The following KCNMB2 variants were observed in gnomAD, a reference collection of about 807,000 sequenced individuals.
KCNMB2 encodes the protein potassium calcium-activated channel subfamily M regulatory beta subunit 2.
In KCNMB2, 9 loss-of-function variants were observed where a neutral mutation model predicts 24.5. The ratio of observed to expected loss-of-function variants is 0.37; its 90% confidence interval spans 0.22 to 0.64. The LOEUF (loss-of-function observed/expected upper bound fraction) is 0.64, where lower values mean the gene tolerates loss of function less well. Among genes scored for constraint, KCNMB2 ranks in the 30% least tolerant of loss-of-function variants. The pLI, the probability that KCNMB2 is intolerant of heterozygous loss-of-function variation, is 0.63. For missense variants in KCNMB2, 226 were observed against 284.3 expected (o/e 0.79, Z 1.47); for synonymous variants, 109 against 104.4 (o/e 1.04, Z -0.27).
chr3:178,574,975 G>A (rs1716939274), intron 1 of KCNMB2, among the ~76,000 whole-genome samples: 1 of 152,096 alleles, frequency 6.6e-6, no homozygotes, highest in Non-Finnish European at 1.5e-5. Context: ...GGCTAAGGCA[G>A]GAGAATCACT....
chr3:178,828,453 C>G, intron 4 of KCNMB2, 80 bp downstream of exon 4: 1 of 1,079,858 alleles, frequency 9.3e-7, no homozygotes, highest in Admixed American at 2.6e-5. Context: ...TCCCCTTTGC[C>G]AGCATTTCAA....
intron 1 of KCNMB2, among the ~76,000 whole-genome samples, chr3:178,771,670 T>C (rs1712372225): frequency 6.6e-6 from 1 of 151,682 alleles, no homozygotes; most frequent in Non-Finnish European, 1.5e-5. Context: ...CTAATGCACC[T>C]CCCCCACTTC....
intron 1 of KCNMB2, among the ~76,000 whole-genome samples, chr3:178,648,257 A>C (rs952095259): frequency 6.6e-6 from 1 of 152,194 alleles, no homozygotes; most frequent in Non-Finnish European, 1.5e-5. Context: ...AAGTTGTTTT[A>C]CCAGGCACAA....
chr3:178,607,277 T>C (rs1271339659), intron 1 of KCNMB2, among the ~76,000 whole-genome samples: 1 of 152,204 alleles, frequency 6.6e-6, no homozygotes, highest in Admixed American at 6.5e-5. Context: ...AAAGATATTT[T>C]GACGGAGCCC....
At chr3:178,618,685 C>T (rs1002169711) in intron 1 of KCNMB2, among the ~76,000 whole-genome samples, 1 of 152,092 alleles carries the variant, frequency 6.6e-6, no homozygotes, top group African/African-American at 2.4e-5. Flanking sequence ...TTCTCAATGC[C>T]CTTCCCATTT....
chr3:178,788,933 C>G (rs1427913969), intron 1 of KCNMB2, among the ~76,000 whole-genome samples: 1 of 152,154 alleles, frequency 6.6e-6, no homozygotes, highest in Non-Finnish European at 1.5e-5. Flanking sequence ...TGCCTGCCAC[C>G]TAGCTAAAAG....
At chr3:178,574,793 C>A (rs189196734) in intron 1 of KCNMB2, among the ~76,000 whole-genome samples, 29 of 152,242 alleles carry the variant, frequency 1.9e-4, no homozygotes, top group Admixed American at 1.6e-3. Flanking sequence ...CTGGGCCAGG[C>A]GTGGTGGCTT....
chr3:178,811,771 C>T (rs1470861355), intron 2 of KCNMB2, among the ~76,000 whole-genome samples: 1 of 152,134 alleles, frequency 6.6e-6, no homozygotes, highest in African/African-American at 2.4e-5. Flanking sequence ...TTTAATTTTA[C>T]CAAGTAATGC....
intron 2 of KCNMB2, among the ~76,000 whole-genome samples, chr3:178,815,449 T>C (rs1714367174): frequency 6.6e-6 from 1 of 152,202 alleles, no homozygotes; most frequent in South Asian, 2.1e-4. Context: ...ATAATTTATC[T>C]ATAGATTCTT....
intron 1 of KCNMB2, among the ~76,000 whole-genome samples, chr3:178,742,722 C>T (rs1029345636): frequency 4.6e-5 from 7 of 152,150 alleles, no homozygotes; most frequent in African/African-American, 1.7e-4. Flanking sequence ...GAAAAACGTA[C>T]CTGTAGTACC....
intron 1 of KCNMB2, among the ~76,000 whole-genome samples, chr3:178,616,054 T>G (rs1718693665): frequency 6.6e-6 from 1 of 151,948 alleles, no homozygotes; most frequent in African/African-American, 2.4e-5. Context: ...CAAAACTAAG[T>G]CTTCCCCACT....
intron 4 of KCNMB2, among the ~76,000 whole-genome samples, chr3:178,834,468 A>C (rs1715153336): frequency 2.0e-5 from 3 of 151,504 alleles, no homozygotes; most frequent in Admixed American, 2.0e-4. Flanking sequence ...ATTTTGGTGA[A>C]CAGGTGAGAA....
At chr3:178,604,546 A>G (rs144134281) in intron 1 of KCNMB2, among the ~76,000 whole-genome samples, 139 of 152,322 alleles carry the variant, frequency 9.1e-4, no homozygotes, top group African/African-American at 2.9e-3. Flanking sequence ...CAAACATTCA[A>G]GTCTGATTTT....
intron 3 of KCNMB2, among the ~76,000 whole-genome samples, chr3:178,827,063 T>A (rs1295714759): frequency 2.0e-5 from 3 of 152,052 alleles, no homozygotes; most frequent in African/African-American, 7.2e-5. Flanking sequence ...ACTTCACACA[T>A]GCAAAGGGGT....
At chr3:178,812,865 T>A (rs764646179) in intron 2 of KCNMB2, among the ~76,000 whole-genome samples, 1 of 152,140 alleles carries the variant, frequency 6.6e-6, no homozygotes, top group African/African-American at 2.4e-5. Context: ...CTGTAATACA[T>A]CTTGATATTT....
rs867857902 is a variant in KCNMB2 at position 178,843,131 on chromosome 3, G to A, written c.*194G>A. On this transcript the variant is annotated 3_prime_UTR_variant, in exon 5 of 5. Coordinates refer to ENST00000452583, the MANE Select transcript of KCNMB2 (RefSeq NM_181361.3). ...TTATTATTCAGGAGAATAAATAACT[G>A]TTTTGTGTTGGTTGGTGGTTTTCAT... is the stretch of plus-strand genomic sequence containing the variant. The A allele has an allele frequency of 4.4e-5, 29 of 665,230 alleles. 1 individual carries two copies. The Middle Eastern group carries it at 1.4e-3, about 33-fold the overall frequency. The allele number at this position is 665,230 out of a possible 1,614,324, so 41.2% of individuals were successfully genotyped here. A position where few individuals can be genotyped will look rare whatever the true frequency, so the allele number is the denominator to read the frequency against.
chr3:178,700,549 C>A (rs1017493025), intron 1 of KCNMB2, among the ~76,000 whole-genome samples: 9 of 152,156 alleles, frequency 5.9e-5, no homozygotes, highest in African/African-American at 1.7e-4. Flanking sequence ...GGAAAACAAG[C>A]CCAAGAAGGT....
chr3:178,715,474 G>T (rs536645743), intron 1 of KCNMB2, among the ~76,000 whole-genome samples: 47 of 150,188 alleles, frequency 3.1e-4, no homozygotes, highest in Admixed American at 6.0e-4. Context: ...TTCCTCTGAA[G>T]TTCACCTTCT....
chr3:178,738,149 T>G (rs1447306519), intron 1 of KCNMB2, among the ~76,000 whole-genome samples: 2 of 152,126 alleles, frequency 1.3e-5, no homozygotes, highest in Non-Finnish European at 2.9e-5. Context: ...CTTATCTCAA[T>G]GAGTGACACC....
Sources: allele counts gnomAD v4.1 joint callset (sites outside exome capture counted in the v4.1 genomes callset), GRCh38; gene constraint gnomAD v4.1.1; transcripts MANE v1.5; gene names NCBI Gene and HGNC (gene_info 2026-07-23, HGNC 2026-07-21).